The following KIAA0513 variants were observed in gnomAD, a reference collection of about 807,000 sequenced individuals.
KIAA0513 encodes the protein KIAA0513, also known as uncharacterized protein KIAA0513.
In KIAA0513, 39 loss-of-function variants were observed where a neutral mutation model predicts 56.5. The observed-to-expected ratio is 0.69, with a 90% confidence interval of 0.53 to 0.90. The LOEUF (loss-of-function observed/expected upper bound fraction) is 0.90. KIAA0513 is among the 40% of genes least tolerant of loss of function. The pLI, the probability that KIAA0513 is intolerant of heterozygous loss-of-function variation, is 0.00. For missense variants in KIAA0513, 591 were observed against 535.2 expected, an observed-to-expected ratio of 1.10 and a Z score of -1.03; for synonymous variants, 268 against 215.6, an observed-to-expected ratio of 1.24 and a Z score of -2.13.
intron 2 of KIAA0513, among the ~76,000 whole-genome samples, 173 bp from the exon 3 acceptor site, chr16:85,071,610 A>G (rs2073574657): frequency 6.6e-6 from 1 of 152,090 alleles, no homozygotes; most frequent in African/African-American, 2.4e-5. Context: ...AATAATAGTA[A>G]CACCCTTTCC....
At chr16:85,071,909 G>C in intron 3 of KIAA0513, 27 bp downstream of exon 3, 1 of 1,414,508 alleles carries the variant, frequency 7.1e-7, no homozygotes, top group Non-Finnish European at 1.0e-6. Context: ...GGGAAGGATG[G>C]GCGTTTACTC....
intron 1 of KIAA0513, among the ~76,000 whole-genome samples, chr16:85,032,636 AC>A (rs1389981347): frequency 2.0e-5 from 3 of 149,924 alleles, no homozygotes; most frequent in Admixed American, 6.6e-5. Flanking sequence ...ATCCACAAAG[AC>A]CCTTTTTTTT....
chr16:85,032,405 T>G (rs542406043), intron 1 of KIAA0513, among the ~76,000 whole-genome samples: 1 of 152,368 alleles, frequency 6.6e-6, no homozygotes, highest in East Asian at 1.9e-4. Context: ...TGATCTCAGC[T>G]CACTGCAACC....
intron 1 of KIAA0513, among the ~76,000 whole-genome samples, chr16:85,039,501 G>C (rs2073077885): frequency 6.6e-6 from 1 of 152,000 alleles, no homozygotes; most frequent in Non-Finnish European, 1.5e-5. Context: ...ATGGGGTTTT[G>C]CTGTGTTGCC....
chr16:85,043,552 C>G (rs926995380), intron 1 of KIAA0513, among the ~76,000 whole-genome samples: 3 of 151,962 alleles, frequency 2.0e-5, no homozygotes, highest in African/African-American at 7.2e-5. Flanking sequence ...GCTGGGACTA[C>G]AGGCGTGCGC....
At chr16:85,056,426 A>G (rs1174046953) in intron 1 of KIAA0513, among the ~76,000 whole-genome samples, 2 of 152,180 alleles carry the variant, frequency 1.3e-5, no homozygotes, top group East Asian at 1.9e-4. Context: ...TCCATTCCAC[A>G]GAACAGCAGC....
intron 1 of KIAA0513, among the ~76,000 whole-genome samples, chr16:85,048,622 T>G (rs1393238053): frequency 6.6e-6 from 1 of 152,182 alleles, no homozygotes; most frequent in East Asian, 1.9e-4. Context: ...CTCACCCCTG[T>G]AATCCCAGCA....
intron 10 of KIAA0513, among the ~76,000 whole-genome samples, chr16:85,086,272 C>G (rs931455230): frequency 1.3e-5 from 2 of 152,252 alleles, no homozygotes; most frequent in African/African-American, 4.8e-5. Context: ...GGAGGTTTCT[C>G]CCCTGAGGAC....
At chr16:85,084,888 T>G (rs879742) in intron 10 of KIAA0513, among the ~76,000 whole-genome samples, 52,332 of 152,152 alleles carry the variant, frequency 0.34, 9,082 homozygotes, top group Middle Eastern at 0.39. Flanking sequence ...GAAGTGATTT[T>G]ATCGTGGGCA....
chr16:85,046,135 C>G (rs546624015), intron 1 of KIAA0513, among the ~76,000 whole-genome samples: 1 of 152,304 alleles, frequency 6.6e-6, no homozygotes, highest in East Asian at 1.9e-4. Context: ...GCTGTTTGAG[C>G]TTTATATAGA....
chr16:85,061,392 C>G (rs3829514), intron 1 of KIAA0513, among the ~76,000 whole-genome samples: 2 of 152,050 alleles, frequency 1.3e-5, no homozygotes, highest in Non-Finnish European at 2.9e-5. Context: ...GACCTGTGTG[C>G]GGGTTCCTTG....
At position 85,076,453 on chromosome 16, in the gene KIAA0513, C is replaced by G. The variant is rs2073657054; in HGVS notation, c.574+539C>G. Among the ~76,000 whole-genome samples, 3 of 152,136 alleles carry G rather than the reference C, an allele frequency of 2.0e-5. No homozygotes were observed. Among genetic ancestry groups the G allele is most frequent in the Admixed American group, 2.0e-4 (3 of 15,282 alleles). On this transcript the variant is annotated intron_variant, in intron 5 of 12. Transcript: ENST00000683363. This position sits in a 1 kb window ranked among gnomAD's most constrained non-coding sequence, Gnocchi z 4.7. Reference sequence around the variant, plus strand: ...TGGCACTTTCTCGTATGTTGGAGCTCAAGGGCTTCCTGCGTGAGTCTCCTT... The same window carrying G: ...TGGCACTTTCTCGTATGTTGGAGCTGAAGGGCTTCCTGCGTGAGTCTCCTT...
intron 12 of KIAA0513, 40 bp from the exon 13 acceptor site, chr16:85,088,236 C>T (rs2073831651): frequency 1.3e-6 from 2 of 1,592,664 alleles, no homozygotes; most frequent in Non-Finnish European, 1.7e-6. Flanking sequence ...GTCCCTGTCA[C>T]TGTCTTTCAT....
At chr16:85,067,517 TC>T in intron 2 of KIAA0513, 117 bp downstream of exon 2, 1 of 800,320 alleles carries the variant, frequency 1.2e-6, no homozygotes, top group Non-Finnish European at 1.9e-6. Flanking sequence ...AGCTTCCATT[TC>T]CCCATCAGCC....
intron 7 of KIAA0513, among the ~76,000 whole-genome samples, 173 bp downstream of exon 7, chr16:85,078,628 T>G (rs1030247046): frequency 2.6e-5 from 4 of 152,248 alleles, no homozygotes; most frequent in Non-Finnish European, 5.9e-5. Flanking sequence ...TCACTGAGTT[T>G]CTGTGGAAGA....
chr16:85,071,634 C>G (rs1024469132), intron 2 of KIAA0513, 149 bp from the exon 3 acceptor site: 115 of 638,014 alleles, frequency 1.8e-4, no homozygotes, highest in Non-Finnish European at 5.3e-5. Context: ...TGGGACCGCC[C>G]GGAGGCTGAG....
intron 2 of KIAA0513, among the ~76,000 whole-genome samples, chr16:85,067,879 C>T (rs1221955757): frequency 1.3e-5 from 2 of 151,616 alleles, no homozygotes; most frequent in Non-Finnish European, 2.9e-5. Flanking sequence ...GGTGCGATCT[C>T]AGCTTAATGC....
chr16:85,073,114 C>G, intron 4 of KIAA0513, 116 bp downstream of exon 4: 1 of 874,292 alleles, frequency 1.1e-6, no homozygotes, highest in Non-Finnish European at 1.9e-6. Context: ...CACTAGTCAT[C>G]AGGTTGCAGT....
chr16:85,067,334 A>C lies in KIAA0513; in HGVS notation c.263A>C (p.Gln88Pro), dbSNP rs746496307. 3.7e-6 allele frequency: 6 copies of C among 1,611,650 alleles called. No homozygotes were observed. The highest frequency in any genetic ancestry group is 5.1e-6 in the Non-Finnish European group (6 of 1,180,022). Residue 88 changes from glutamine (Q) to proline (P), a missense_variant, in exon 2 of 13, where the codon CAG (glutamine) becomes CCG (proline). Transcript: ENST00000683363. ...FSSNQSTEST[Q>P]DEETLALRDF... ...TCCAACCAGAGCACCGAGTCTACCC[A>C]GGATGAAGAGACCCTGGCACTCAGG...
Sources: gnomAD v4.1 joint callset for allele counts (sites outside exome capture counted in the v4.1 genomes callset) on GRCh38, gnomAD v4.1.1 for gene constraint, Gnocchi (gnomAD v3.1) non-coding constraint, MANE v1.5 for transcripts, NCBI Gene and HGNC (gene_info 2026-07-23, HGNC 2026-07-21) for gene names.